KIRREL3: variants seen among roughly 807,000 people sequenced by gnomAD.
KIRREL3 encodes kirre like nephrin family adhesion molecule 3.
In KIRREL3, 36 loss-of-function variants were observed where a neutral mutation model predicts 89.7. The ratio of observed to expected loss-of-function variants is 0.40; its 90% CI spans 0.31 to 0.53. KIRREL3 has a LOEUF of 0.53. KIRREL3 is among the 20% of genes least tolerant of loss of function. The pLI, the probability that KIRREL3 is intolerant of heterozygous loss-of-function variation, is 0.49. For missense variants in KIRREL3, 864 were observed against 1,056.6 expected, an observed-to-expected ratio of 0.82 and a Z score of 2.53; for synonymous variants, 445 against 441.4, an observed-to-expected ratio of 1.01 and a Z score of -0.10.
intron 1 of KIRREL3, among the ~76,000 whole-genome samples, chr11:126,972,976 A>C (rs1949469224): frequency 6.6e-6 from 1 of 152,070 alleles, no homozygotes; most frequent in Non-Finnish European, 1.5e-5. Flanking sequence ...CCTTTCACTC[A>C]AGGAGGACGC....
In KIRREL3 at chr11:126,508,381, C is replaced by A. The variant is rs1445522253; in HGVS notation, c.433+12934G>T. 1.3e-5 allele frequency among the ~76,000 whole-genome samples: 2 copies of A among 152,070 alleles called. No homozygotes were observed. Among genetic ancestry groups the A allele is most frequent in the Non-Finnish European group, 2.9e-5 (2 of 68,020 alleles). ...TGATGGAGAAAGACGCGGCAGGTGG[C>A]CGCCCAGAGGATGATACTGAATGGG... is the stretch of plus-strand genomic sequence containing the variant. On this transcript the variant is annotated intron_variant, in intron 4 of 16. Coordinates refer to ENST00000525144, the MANE Select transcript of KIRREL3 (RefSeq NM_032531.4). This position sits in a 1 kb window ranked among gnomAD's most constrained non-coding sequence, Gnocchi z 4.9.
intron 1 of KIRREL3, among the ~76,000 whole-genome samples, chr11:126,717,147 C>T (rs990934308): frequency 3.9e-5 from 6 of 152,276 alleles, no homozygotes; most frequent in East Asian, 1.9e-4. Context: ...TAGACCTTCA[C>T]GCTGGTCCTT....
chr11:126,885,196 A>C (rs1037059873), intron 1 of KIRREL3, among the ~76,000 whole-genome samples: 7 of 152,178 alleles, frequency 4.6e-5, no homozygotes, highest in African/African-American at 1.4e-4. Flanking sequence ...TTTACATTTC[A>C]GCTTTGAGAA....
In KIRREL3 at chr11:126,655,994, C is replaced by A. The variant is rs1484559873; in HGVS notation, c.56-93082G>T. ...GGGCTGAAGGAGGGGTGGGAGGAGG[C>A]CTTAGAAGCTAATTAGAATCCTCTA... On this transcript the variant is annotated intron_variant, in intron 1 of 16. Coordinates refer to ENST00000525144, the MANE Select transcript of KIRREL3 (RefSeq NM_032531.4). The surrounding 1 kb of genome is among the most constrained non-coding windows in gnomAD (Gnocchi z 5.0). 3.2e-5 allele frequency: 9 copies of A among 278,370 alleles called. No homozygotes were observed. Among genetic ancestry groups the A allele is most frequent in the South Asian group, 2.8e-4 (8 of 28,890 alleles). The allele number at this position is 278,370 out of a possible 1,614,324, so 17.2% of individuals were successfully genotyped here.
rs998357555 is a variant in KIRREL3 at position 126,424,133 on chromosome 11, C to T, written c.*447G>A. 19 of 193,988 alleles carry T rather than the reference C, an allele frequency of 9.8e-5. No individual in the cohort carries two copies. The East Asian group carries it at 2.2e-3, about 23-fold the overall frequency. The allele number at this position is 193,988 out of a possible 1,614,324, so 12.0% of individuals were successfully genotyped here. On this transcript the variant is annotated 3_prime_UTR_variant, in exon 17 of 17. Transcript: ENST00000525144. ...AGCTCAGTGCTGGGAAGACGTCATC[C>T]CCTTCTCCCCAGGGCTGTATGGGAG...
chr11:126,649,485 G>A (rs1364322229), intron 1 of KIRREL3, among the ~76,000 whole-genome samples: 1 of 152,222 alleles, frequency 6.6e-6, no homozygotes, highest in Admixed American at 6.5e-5. Context: ...GGTAAATACA[G>A]CCATTCCAAA....
At chr11:126,444,835 G>T in intron 10 of KIRREL3, 144 bp downstream of exon 10, 1 of 1,062,714 alleles carries the variant, frequency 9.4e-7, no homozygotes, top group Non-Finnish European at 1.3e-6. Flanking sequence ...CCAGGAGGTG[G>T]ACCTAATTGT....
chr11:126,764,829 G>T lies in KIRREL3; in HGVS notation c.56-201917C>A, dbSNP rs141671055. On this transcript the variant is annotated intron_variant, in intron 1 of 16. Coordinates refer to ENST00000525144, the MANE Select transcript of KIRREL3 (RefSeq NM_032531.4). This position sits in a 1 kb window ranked among gnomAD's most constrained non-coding sequence, Gnocchi z 4.2. ...TCCAACTTCAGAACTCAGAGGGGCA[G>T]CTCTCCTTTGGACTAGGCCTTTGGC... Among the ~76,000 whole-genome samples the T allele has an allele frequency of 9.9e-5, 15 of 152,178 alleles. 1 individual carries two copies. The highest frequency in any genetic ancestry group is 3.6e-4 in the African/African-American group (15 of 41,436).
At chr11:126,998,987 A>G (rs1327705887) in intron 1 of KIRREL3, among the ~76,000 whole-genome samples, 1 of 142,174 alleles carries the variant, frequency 7.0e-6, no homozygotes, top group East Asian at 2.1e-4. Flanking sequence ...ACATCCAAGA[A>G]AGAGGGTAAT....
Position 126,883,267 on chromosome 11 carries a change from T to C in KIRREL3, c.55+117188A>G, listed in dbSNP as rs1945574336. The stretch of plus-strand genomic sequence containing the variant: ...ATAGTTAAGAGGAAATTGAGGCAAC[T>C]TGGAAAGGCAAAGCAGGTCACCAGA... On this transcript the variant is annotated intron_variant, in intron 1 of 16. Coordinates refer to ENST00000525144, the MANE Select transcript of KIRREL3 (RefSeq NM_032531.4). This position sits in a 1 kb window ranked among gnomAD's most constrained non-coding sequence, Gnocchi z 4.1. Among the ~76,000 whole-genome samples the C allele has an allele frequency of 6.6e-6, 1 of 152,102 alleles. No individual in the cohort carries two copies. The highest frequency in any genetic ancestry group is 1.5e-5 in the Non-Finnish European group (1 of 68,022).
rs115578259 is a variant in KIRREL3 at position 126,530,245 on chromosome 11, C to T, written c.134-3558G>A. Reference sequence around the variant, plus strand: ...GATTACAGGTATGCACCAGCATGTCCGGCTGATTTTCATATTTTTAATAGA... The same window carrying T: ...GATTACAGGTATGCACCAGCATGTCTGGCTGATTTTCATATTTTTAATAGA... On this transcript the variant is annotated intron_variant, in intron 2 of 16. Transcript: ENST00000525144. This position sits in a 1 kb window ranked among gnomAD's most constrained non-coding sequence, Gnocchi z 5.8. 0.01 allele frequency among the ~76,000 whole-genome samples: 1,567 copies of T among 152,066 alleles called. 42 individuals are homozygous for T. Among genetic ancestry groups the T allele is most frequent in the African/African-American group, 0.036 (1,495 of 41,470 alleles).
chr11:126,757,924 T>G lies in KIRREL3; in HGVS notation c.56-195012A>C, dbSNP rs145968529. Among the ~76,000 whole-genome samples, 698 of 152,326 alleles carry G rather than the reference T, an allele frequency of 4.6e-3. 1 individual carries two copies. Among genetic ancestry groups the G allele is most frequent in the Non-Finnish European group, 7.7e-3 (521 of 68,022 alleles). Reference sequence around the variant, plus strand: ...AGCTGTCTCTAAAATTTTGTCATTCTCTTATTCTGTATGGGATGGCAACCA... The same window carrying G: ...AGCTGTCTCTAAAATTTTGTCATTCGCTTATTCTGTATGGGATGGCAACCA... On this transcript the variant is annotated intron_variant, in intron 1 of 16. Coordinates refer to ENST00000525144, the MANE Select transcript of KIRREL3 (RefSeq NM_032531.4).
At position 126,513,489 on chromosome 11, in the gene KIRREL3, G is replaced by T. The variant is rs564355006; in HGVS notation, c.433+7826C>A. On this transcript the variant is annotated intron_variant, in intron 4 of 16. Coordinates refer to ENST00000525144, the MANE Select transcript of KIRREL3 (RefSeq NM_032531.4). The surrounding 1 kb of genome is among the most constrained non-coding windows in gnomAD (Gnocchi z 5.9). The stretch of plus-strand genomic sequence containing the variant: ...CTCAGGCAGGGAAGGGAAAAGATGC[G>T]CTGAGTTTGCCTCCATCCCTGAGGG... 1.3e-5 allele frequency among the ~76,000 whole-genome samples: 2 copies of T among 152,168 alleles called. No homozygotes were observed. Among genetic ancestry groups the T allele is most frequent in the Non-Finnish European group, 2.9e-5 (2 of 68,032 alleles).
chr11:126,846,389 T>C (rs939727294), intron 1 of KIRREL3, among the ~76,000 whole-genome samples: 7 of 152,214 alleles, frequency 4.6e-5, no homozygotes, highest in Non-Finnish European at 8.8e-5. Flanking sequence ...GAGCTTTAAT[T>C]AATTCGTTTA....
chr11:126,604,251 CAG>C (rs1347676651), intron 1 of KIRREL3, among the ~76,000 whole-genome samples: 1 of 152,150 alleles, frequency 6.6e-6, no homozygotes, highest in Non-Finnish European at 1.5e-5. Context: ...GCAGAGCTGA[CAG>C]GGGTGAGTGT....
chr11:126,469,254 G>T (rs549583001), intron 5 of KIRREL3, among the ~76,000 whole-genome samples: 1 of 152,276 alleles, frequency 6.6e-6, no homozygotes, highest in African/African-American at 2.4e-5. Flanking sequence ...CACTGAGGGC[G>T]TCAGACCCGA....
In KIRREL3 at chr11:126,908,776, C is replaced by T. The variant is rs574057643; in HGVS notation, c.55+91679G>A. 7.9e-5 allele frequency among the ~76,000 whole-genome samples: 12 copies of T among 152,158 alleles called. No homozygotes were observed. In the East Asian group the frequency reaches 1.5e-3, roughly 20 times the overall value. Reference sequence around the variant, plus strand: ...ATAGTCTAGGTAGGAAGATAAATGTCGAACAAAGACTCAGGCAAATATATG... The same window carrying T: ...ATAGTCTAGGTAGGAAGATAAATGTTGAACAAAGACTCAGGCAAATATATG... On this transcript the variant is annotated intron_variant, in intron 1 of 16. Coordinates refer to ENST00000525144, the MANE Select transcript of KIRREL3 (RefSeq NM_032531.4). This position sits in a 1 kb window ranked among gnomAD's most constrained non-coding sequence, Gnocchi z 4.2.
intron 1 of KIRREL3, among the ~76,000 whole-genome samples, chr11:126,799,372 G>GCA: frequency 7.5e-5 from 1 of 13,370 alleles, no homozygotes; most frequent in Non-Finnish European, 1.6e-4. Context: ...CTGTGTATCT[G>GCA]TGTGTGCATG....
intron 6 of KIRREL3, among the ~76,000 whole-genome samples, chr11:126,460,332 A>G (rs111955902): frequency 1.1e-3 from 170 of 152,320 alleles, no homozygotes; most frequent in African/African-American, 2.8e-3. Flanking sequence ...CGTGTCAGAC[A>G]CTGCGCTAGG....
Sources: gnomAD v4.1 joint callset for allele counts (sites outside exome capture counted in the v4.1 genomes callset) on GRCh38, gnomAD v4.1.1 for gene constraint, Gnocchi (gnomAD v3.1) non-coding constraint, MANE v1.5 for transcripts, NCBI Gene and HGNC (gene_info 2026-07-23, HGNC 2026-07-21) for gene names.